The following NRG3 variants were observed in gnomAD, a reference collection of about 807,000 sequenced individuals.
NRG3 encodes pro-neuregulin-3, membrane-bound isoform.
Under a neutral mutation model 66.9 loss-of-function variants are expected in NRG3, and 31 were observed. The ratio of observed to expected loss-of-function variants is 0.46; its 90% confidence interval spans 0.35 to 0.63. The LOEUF (loss-of-function observed/expected upper bound fraction) is 0.63. Ranked by LOEUF, NRG3 falls within the 20% of genes least tolerant of loss-of-function variation. The probability of loss-of-function intolerance (pLI) is 0.00; values close to 1 mark genes in which losing one functional copy is unlikely to be tolerated. For synonymous variants in NRG3, 393 were observed against 359.4 expected, an observed-to-expected ratio of 1.09 and a Z score of -1.06; for missense variants, 910 against 878.9, an observed-to-expected ratio of 1.04 and a Z score of -0.45.
intron 2 of NRG3, among the ~76,000 whole-genome samples, chr10:82,590,435 C>T (rs2046916038): frequency 6.6e-6 from 1 of 152,106 alleles, no homozygotes. Context: ...ACTAAACCCT[C>T]AGCTTGATAA....
chr10:82,352,479 G>A (rs1377422901), intron 1 of NRG3, among the ~76,000 whole-genome samples: 1 of 152,118 alleles, frequency 6.6e-6, no homozygotes, highest in East Asian at 1.9e-4. Flanking sequence ...AGAAAGAGTG[G>A]GGAGTAGTTC....
At chr10:81,998,845 G>A (rs1195398493) in intron 1 of NRG3, among the ~76,000 whole-genome samples, 2 of 152,162 alleles carry the variant, frequency 1.3e-5, no homozygotes, top group East Asian at 1.9e-4. Flanking sequence ...CTTTGTGTGT[G>A]TGTGTCTGTT....
At chr10:82,784,104 G>A (rs1162295230) in intron 3 of NRG3, among the ~76,000 whole-genome samples, 1 of 152,044 alleles carries the variant, frequency 6.6e-6, no homozygotes, top group Non-Finnish European at 1.5e-5. Flanking sequence ...ACAAGCAATG[G>A]GGAAAGGATT....
intron 2 of NRG3, among the ~76,000 whole-genome samples, chr10:82,660,387 A>G (rs1385942803): frequency 1.3e-5 from 2 of 152,094 alleles, no homozygotes; most frequent in Non-Finnish European, 2.9e-5. Flanking sequence ...ACACTTGATG[A>G]AAGCTGAATC....
intron 1 of NRG3, among the ~76,000 whole-genome samples, chr10:82,016,401 T>C (rs1313927275): frequency 6.6e-6 from 1 of 151,898 alleles, no homozygotes; most frequent in Non-Finnish European, 1.5e-5. Context: ...ACCAGAAGCA[T>C]GAAGGTACAA....
intron 2 of NRG3, among the ~76,000 whole-genome samples, chr10:82,536,570 G>T (rs1462522254): frequency 6.6e-6 from 1 of 152,156 alleles, no homozygotes; most frequent in Non-Finnish European, 1.5e-5. Context: ...CATTTTACAA[G>T]TGGTTAAAAC....
At chr10:82,442,891 A>G (rs2080518389) in intron 2 of NRG3, among the ~76,000 whole-genome samples, 1 of 140,726 alleles carries the variant, frequency 7.1e-6, no homozygotes, top group African/African-American at 2.7e-5. Context: ...CTGTTATGCC[A>G]GCTGGTTTTT....
chr10:82,408,238 G>C (rs1219123448), intron 2 of NRG3, among the ~76,000 whole-genome samples: 1 of 152,140 alleles, frequency 6.6e-6, no homozygotes, highest in East Asian at 1.9e-4. Context: ...ACTTAAAGTG[G>C]TCAGAGAAGG....
At chr10:81,876,237 C>G in intron 1 of NRG3, 74 bp downstream of exon 1, 1 of 1,489,848 alleles carries the variant, frequency 6.7e-7, no homozygotes, top group Non-Finnish European at 9.0e-7. Context: ...CTTTTTCCCT[C>G]GCCGCCTGTT....
At chr10:82,213,538 A>G (rs186297817) in intron 1 of NRG3, among the ~76,000 whole-genome samples, 11 of 152,288 alleles carry the variant, frequency 7.2e-5, no homozygotes, top group Non-Finnish European at 1.5e-4. Flanking sequence ...GAAATCCAAA[A>G]TCTGAAACAC....
intron 2 of NRG3, among the ~76,000 whole-genome samples, chr10:82,727,372 A>G (rs1304044498): frequency 6.6e-6 from 1 of 152,168 alleles, no homozygotes; most frequent in Admixed American, 6.5e-5. Context: ...CCCCTCTGCT[A>G]TGTGCAGTCT....
At chr10:82,882,535 C>T (rs1156621273) in intron 4 of NRG3, among the ~76,000 whole-genome samples, 1 of 152,204 alleles carries the variant, frequency 6.6e-6, no homozygotes, top group Non-Finnish European at 1.5e-5. Flanking sequence ...ATGGAAGGCA[C>T]TGTCCAGTGG....
At chr10:81,972,373 A>G (rs1195892594) in intron 1 of NRG3, among the ~76,000 whole-genome samples, 1 of 152,196 alleles carries the variant, frequency 6.6e-6, no homozygotes, top group Non-Finnish European at 1.5e-5. Context: ...ATCAAGAAAA[A>G]TCCAGAACAG....
At chr10:82,249,229 C>T (rs1309956353) in intron 1 of NRG3, among the ~76,000 whole-genome samples, 1 of 152,158 alleles carries the variant, frequency 6.6e-6, no homozygotes, top group Non-Finnish European at 1.5e-5. Context: ...CTTTATATGG[C>T]CTTCCAGCTC....
chr10:82,804,886 G>A (rs1016901638), intron 3 of NRG3, among the ~76,000 whole-genome samples: 1 of 152,172 alleles, frequency 6.6e-6, no homozygotes, highest in African/African-American at 2.4e-5. Context: ...GTTACCAAAT[G>A]TGGAAACTTT....
intron 2 of NRG3, among the ~76,000 whole-genome samples, chr10:82,668,378 T>C (rs903165920): frequency 3.9e-5 from 6 of 152,214 alleles, no homozygotes; most frequent in African/African-American, 1.2e-4. Flanking sequence ...TCTTAGATTC[T>C]ATATTTTTAA....
chr10:82,916,765 G>A (rs1452547362), intron 4 of NRG3, among the ~76,000 whole-genome samples: 2 of 151,992 alleles, frequency 1.3e-5, no homozygotes, highest in African/African-American at 2.4e-5. Context: ...ATAGGCGCGT[G>A]CCACCACGCC....
At chr10:82,240,721 G>A (rs894256345) in intron 1 of NRG3, among the ~76,000 whole-genome samples, 3 of 152,122 alleles carry the variant, frequency 2.0e-5, no homozygotes, top group African/African-American at 7.2e-5. Flanking sequence ...TCAGTCAAAT[G>A]GAATGGCATT....
chr10:82,588,376 T>A (rs1219015751), intron 2 of NRG3, among the ~76,000 whole-genome samples: 1 of 152,122 alleles, frequency 6.6e-6, no homozygotes, highest in Non-Finnish European at 1.5e-5. Flanking sequence ...TTGCCCCTGC[T>A]CTTACCATAT....
Sources: allele counts gnomAD v4.1 joint callset (sites outside exome capture counted in the v4.1 genomes callset), GRCh38; gene constraint gnomAD v4.1.1; transcripts MANE v1.5; gene names NCBI Gene and HGNC (gene_info 2026-07-23, HGNC 2026-07-21).